GSN: variants seen among roughly 807,000 people sequenced by gnomAD.
The protein encoded by GSN is gelsolin.
Under a neutral mutation model 85.7 loss-of-function variants are expected in GSN, and 56 were observed. That is an observed-to-expected ratio of 0.65 (90% CI 0.53 to 0.82). GSN has a LOEUF of 0.82. Ranked by LOEUF, GSN falls within the 40% of genes least tolerant of loss-of-function variation. The probability of loss-of-function intolerance (pLI) is 0.00; values close to 1 mark genes in which losing one functional copy is unlikely to be tolerated. For missense variants in GSN, 857 were observed against 979.8 expected, an observed-to-expected ratio of 0.87 and a Z score of 1.67; for synonymous variants, 373 against 399.1, an observed-to-expected ratio of 0.93 and a Z score of 0.78.
chr9:121,331,862 C>T (rs531420305), intron 17 of GSN: 4 of 189,748 alleles, frequency 2.1e-5, no homozygotes, highest in Non-Finnish European at 4.4e-5. Flanking sequence ...GAAAGCAGCC[C>T]GGGCAACATA....
intron 2 of GSN, among the ~76,000 whole-genome samples, chr9:121,295,308 T>G (rs1310775209): frequency 1.3e-5 from 2 of 152,202 alleles, no homozygotes; most frequent in Non-Finnish European, 2.9e-5. Flanking sequence ...TCAGTTCCAC[T>G]GGGTTTCATA....
At chr9:121,271,972 T>A (rs911298881) in intron 1 of GSN, among the ~76,000 whole-genome samples, 1 of 152,250 alleles carries the variant, frequency 6.6e-6, no homozygotes, top group Non-Finnish European at 1.5e-5. Flanking sequence ...TCCTTGGTTA[T>A]TCCCTGAGAA....
intron 6 of GSN, among the ~76,000 whole-genome samples, chr9:121,255,455 C>G (rs1160588171): frequency 6.6e-6 from 1 of 152,164 alleles, no homozygotes; most frequent in Non-Finnish European, 1.5e-5. Flanking sequence ...AGGCTGGTCT[C>G]AAATTCCTGG....
rs781709333 is a variant in GSN, at chr9:121,326,562, TG to T, written c.1470del (p.Lys491SerfsTer3). On this transcript the variant is annotated frameshift_variant, in exon 13 of 18. Coordinates refer to ENST00000432226, the MANE Select transcript of GSN (RefSeq NM_198252.3). LOFTEE classifies it high-confidence loss of function. ...CCGCCCACCTCATGAGCCTGTTTGG[TG>T]GGAAGCCCATGATCATCTACAAGGG... ...EPAHLMSLFGGKPMIIYKGGT... is the reference protein window; with the variant it reads ...EPAHLMSLFGXKPMIIYKGGT... The T allele has an allele frequency of 6.2e-7, 1 of 1,613,920 alleles. No individual in the cohort carries two copies. The highest frequency in any genetic ancestry group is 8.5e-7 in the Non-Finnish European group (1 of 1,179,980).
Position 121,317,194 on chromosome 9 carries a change from G to A in GSN, c.862G>A (p.Asp288Asn). The change falls in exon 8 of 18, where the codon GAT (aspartate) becomes AAT (asparagine). Residue 288 changes from aspartate to asparagine, a missense_variant. Asp to Asn is a conservative substitution (Grantham distance 23, BLOSUM62 1). Transcript: ENST00000432226. ...CTGCTTCATCCTGGACCACGGCAAA[G>A]ATGGGAAAATCTTTGTCTGGAAAGG... ...EDCFILDHGK[D>N]GKIFVWKGKQ... is the part of the protein sequence containing the mutation. 6.2e-7 allele frequency: 1 copy of A among 1,614,208 alleles called. No individual in the cohort carries two copies. Among genetic ancestry groups the A allele is most frequent in the Non-Finnish European group, 8.5e-7 (1 of 1,180,030 alleles).
intron 1 of GSN, among the ~76,000 whole-genome samples, chr9:121,276,074 G>A (rs1261062314): frequency 2.0e-5 from 3 of 152,206 alleles, no homozygotes; most frequent in Admixed American, 1.3e-4. Flanking sequence ...CATGGAATTC[G>A]TGTGCGAATT....
chr9:121,212,514 C>A (rs2053986311), intron 4 of GSN, among the ~76,000 whole-genome samples: 1 of 152,230 alleles, frequency 6.6e-6, no homozygotes. Flanking sequence ...AAGGTTGACT[C>A]TGGGCATTGC....
At chr9:121,264,031 C>T (rs928102132), upstream of GSN, among the ~76,000 whole-genome samples, 4 of 151,902 alleles carry the variant, frequency 2.6e-5, no homozygotes, top group Admixed American at 6.6e-5. Flanking sequence ...GATTACAATT[C>T]GAGATGAGAT....
chr9:121,278,051 CT>C (rs796956623), intron 1 of GSN, among the ~76,000 whole-genome samples: 2,563 of 142,130 alleles, frequency 0.018, 21 homozygotes, highest in South Asian at 0.042. Context: ...TTTGCATGTT[CT>C]TTTTTTTTTT....
chr9:121,292,816 T>C (rs1327338352), intron 2 of GSN, among the ~76,000 whole-genome samples: 1 of 152,174 alleles, frequency 6.6e-6, no homozygotes, highest in African/African-American at 2.4e-5. Flanking sequence ...GTCTTTTCCC[T>C]CTTCCCCGCA....
At chr9:121,300,514 C>T (rs908031622) in intron 2 of GSN, among the ~76,000 whole-genome samples, 1 of 152,060 alleles carries the variant, frequency 6.6e-6, no homozygotes, top group Non-Finnish European at 1.5e-5. Context: ...ACCCTTCTGC[C>T]TGAGTTCTCC....
At position 121,326,643 on chromosome 9, in the gene GSN, G is replaced by T. The variant is rs747549477; in HGVS notation, c.1548G>T (p.Gln516His). ...QTAPASTRLF[Q>H]VRANSAGATR... ...CCCCTGCCAGCACCCGCCTCTTCCA[G>T]GTCCGCGCCAACAGCGCTGGAGCCA... The change falls in exon 13 of 18, where the codon CAG becomes CAT. Residue 516 changes from glutamine (Q) to histidine (H), a missense_variant. Gln to His is a conservative substitution (Grantham distance 24). Coordinates refer to ENST00000432226, the MANE Select transcript of GSN (RefSeq NM_198252.3). 6.2e-6 allele frequency: 10 copies of T among 1,608,458 alleles called. No individual in the cohort carries two copies. The Admixed American group carries it at 1.2e-4, about 19-fold the overall frequency.
At chr9:121,253,424 T>A (rs1825223165) in intron 6 of GSN, among the ~76,000 whole-genome samples, 1 of 152,174 alleles carries the variant, frequency 6.6e-6, no homozygotes. Flanking sequence ...ATCTTTCCCT[T>A]ACCAAGTACA....
intron 6 of GSN, among the ~76,000 whole-genome samples, chr9:121,263,053 T>C (rs1480408814): frequency 6.6e-6 from 1 of 152,188 alleles, no homozygotes; most frequent in East Asian, 1.9e-4. Flanking sequence ...GATATACACA[T>C]AAATGGACAA....
chr9:121,228,418 ATATATATTTTTTTTTT>A (rs2054314838), intron 4 of GSN, among the ~76,000 whole-genome samples: 2 of 58,492 alleles, frequency 3.4e-5, no homozygotes, highest in Admixed American at 3.6e-4. Flanking sequence ...ATATATATAT[ATATATATTTTTTTTTT>A]TTTTTTTTTT....
chr9:121,288,121 C>T (rs2058334053), intron 2 of GSN, among the ~76,000 whole-genome samples: 1 of 151,940 alleles, frequency 6.6e-6, no homozygotes. Flanking sequence ...GAGATGGGGA[C>T]TTGTGGTGAT....
At chr9:121,319,497 T>G (rs1304602169) in intron 10 of GSN, among the ~76,000 whole-genome samples, 1 of 151,842 alleles carries the variant, frequency 6.6e-6, no homozygotes, top group African/African-American at 2.4e-5. Flanking sequence ...CTTTTTTTTT[T>G]TTTTTAATAG....
upstream of GSN, among the ~76,000 whole-genome samples, chr9:121,267,285 A>G (rs903858789): frequency 1.3e-5 from 2 of 152,240 alleles, no homozygotes; most frequent in Non-Finnish European, 2.9e-5. Context: ...TGAAATCAAC[A>G]AAGTATTACA....
At chr9:121,286,312 A>G (rs2058069214) in intron 2 of GSN, 1 of 656,254 alleles carries the variant, frequency 1.5e-6, no homozygotes, top group African/African-American at 1.8e-5. Flanking sequence ...CAGAGATGAA[A>G]CCAGTTCCAA....
Sources: gnomAD v4.1 joint callset for allele counts (sites outside exome capture counted in the v4.1 genomes callset) on GRCh38, gnomAD v4.1.1 for gene constraint, MANE v1.5 for transcripts, NCBI Gene and HGNC (gene_info 2026-07-23, HGNC 2026-07-21) for gene names.